Variants in MGA observed in about 807,000 individuals in gnomAD.
MGA encodes the protein MAX gene-associated protein.
In MGA, 40 loss-of-function variants were observed where a neutral mutation model predicts 261.1. That is an observed-to-expected ratio of 0.15 (90% CI 0.12 to 0.20). The LOEUF is 0.20. MGA is among the 10% of genes least tolerant of loss of function. MGA has a pLI of 1.00. For missense variants in MGA, 3,397 were observed against 3,630.5 expected (o/e 0.94, Z 1.65); for synonymous variants, 1,302 against 1,290.6 (o/e 1.01, Z -0.19).
rs2057312339 is a variant in MGA, at chr15:41,660,413, C to G, written c.-180C>G. 1 of 152,540 alleles carries G rather than the reference C, an allele frequency of 6.6e-6. No individual in the cohort carries two copies. The highest frequency in any genetic ancestry group is 2.4e-5 in the African/African-American group (1 of 41,442). The allele number at this position is 152,540 out of a possible 1,614,324, so 9.4% of individuals were successfully genotyped here. On this transcript the variant is annotated 5_prime_UTR_variant, in exon 1 of 24. Transcript: ENST00000219905. Reference sequence around the variant, plus strand: ...TGCGCGGTGACGTGGACGTCCGGTGCGCGCGCGCAGGCTCTTCAGCTGGAG... The same window carrying G: ...TGCGCGGTGACGTGGACGTCCGGTGGGCGCGCGCAGGCTCTTCAGCTGGAG...
At chr15:41,746,436 T>G (rs2062476060) in intron 15 of MGA, among the ~76,000 whole-genome samples, 2 of 151,206 alleles carry the variant, frequency 1.3e-5, no homozygotes, top group African/African-American at 4.9e-5. Flanking sequence ...TCCTAGGTAC[T>G]CTGGAGGCTG....
chr15:41,748,766 A>G lies in MGA; in HGVS notation c.5342A>G (p.Gln1781Arg), dbSNP rs766567906. 3.7e-6 allele frequency: 6 copies of G among 1,613,934 alleles called. No individual in the cohort carries two copies. In the East Asian group the frequency reaches 6.7e-5, roughly 18 times the overall value. Residue 1781 changes from glutamine (Q) to arginine (R), a missense_variant, in exon 16 of 24, where the codon CAA becomes CGA. Physicochemically the swap from Gln to Arg is conservative, Grantham distance 43. This residue lies in a region of MGA where 1,410 missense variants were observed against 1,386.4 expected (regional missense o/e 1.02). Transcript: ENST00000219905. Reference sequence around the variant, plus strand: ...ACTCTTAGACCTGTCTCAAACACACAACTTCAGGGACATCGGATGGTCTTG... The same window carrying G: ...ACTCTTAGACCTGTCTCAAACACACGACTTCAGGGACATCGGATGGTCTTG...
chr15:41,711,407 A>G, intron 8 of MGA, 58 bp downstream of exon 8: 1 of 1,486,254 alleles, frequency 6.7e-7, no homozygotes. Flanking sequence ...GAGCGAGGTT[A>G]GTGAGGGGAA....
rs1320151359 is a variant in MGA, at chr15:41,768,332, A to C, written c.*1052A>C. 6.6e-6 allele frequency: 1 copy of C among 152,638 alleles called. No homozygotes were observed. Among genetic ancestry groups the C allele is most frequent in the Non-Finnish European group, 1.5e-5 (1 of 68,034 alleles). The allele number at this position is 152,638 out of a possible 1,614,324, so 9.5% of individuals were successfully genotyped here. A position where few individuals can be genotyped will look rare whatever the true frequency, so the allele number is the denominator to read the frequency against. Reference sequence around the variant, plus strand: ...CAACCATGGATCCAATGATCTGTAGAGCTTTTTCACTCATTAACTGTCAGG... The same window carrying C: ...CAACCATGGATCCAATGATCTGTAGCGCTTTTTCACTCATTAACTGTCAGG... On this transcript the variant is annotated 3_prime_UTR_variant, in exon 24 of 24. Transcript: ENST00000219905.
intron 18 of MGA, among the ~76,000 whole-genome samples, chr15:41,755,186 A>G (rs2063076874): frequency 6.6e-6 from 1 of 152,170 alleles, no homozygotes; most frequent in Non-Finnish European, 1.5e-5. Flanking sequence ...TTGGGCTGTG[A>G]GAAAGAGTAG....
At chr15:41,685,551 A>G (rs770006472) in intron 2 of MGA, among the ~76,000 whole-genome samples, 24 of 152,216 alleles carry the variant, frequency 1.6e-4, no homozygotes, top group Non-Finnish European at 3.1e-4. Context: ...TCTTGACATC[A>G]TTGAATATTC....
chr15:41,656,365 T>TCTCTCTCTC (rs2057188293), upstream of MGA, among the ~76,000 whole-genome samples: 2 of 139,294 alleles, frequency 1.4e-5, no homozygotes, highest in South Asian at 2.5e-4. Context: ...TCTCTCTCTC[T>TCTCTCTCTC]CTCTCTCTCT....
At chr15:41,724,601 C>G (rs1360058648) in intron 9 of MGA, among the ~76,000 whole-genome samples, 1 of 152,176 alleles carries the variant, frequency 6.6e-6, no homozygotes, top group East Asian at 1.9e-4. Flanking sequence ...GAGATGATCT[C>G]TTGAGTCAGG....
chr15:41,732,520 C>A (rs1178453246), intron 11 of MGA, among the ~76,000 whole-genome samples: 8 of 152,168 alleles, frequency 5.3e-5, no homozygotes. Context: ...ATAATGCTAT[C>A]TAGATGGTTA....
chr15:41,757,539 C>T (rs534441140), intron 18 of MGA, among the ~76,000 whole-genome samples: 1 of 152,138 alleles, frequency 6.6e-6, no homozygotes, highest in African/African-American at 2.4e-5. Flanking sequence ...TACTGAAGGA[C>T]AACTTTAAAT....
chr15:41,746,627 T>C, intron 15 of MGA, among the ~76,000 whole-genome samples: 1 of 152,022 alleles, frequency 6.6e-6, no homozygotes, highest in Non-Finnish European at 1.5e-5. Context: ...AGTTTGGTTT[T>C]GTGTTTTATT....
chr15:41,636,680 G>A (rs1256683630), intron 1 of MGA, among the ~76,000 whole-genome samples: 1 of 152,062 alleles, frequency 6.6e-6, no homozygotes, highest in Non-Finnish European at 1.5e-5. Context: ...CTCCCAAAGT[G>A]CTGGGATTAC....
At chr15:41,691,674 G>A (rs750832785) in intron 2 of MGA, 33 of 514,782 alleles carry the variant, frequency 6.4e-5, no homozygotes, top group Admixed American at 6.3e-4. Flanking sequence ...CAATTTTAAA[G>A]GCTTCTTTTG....
At chr15:41,663,636 A>AT (rs1192021834) in intron 1 of MGA, among the ~76,000 whole-genome samples, 1 of 151,908 alleles carries the variant, frequency 6.6e-6, no homozygotes, top group Non-Finnish European at 1.5e-5. Context: ...CGCCCGGCTA[A>AT]TTTTTTGTAT....
chr15:41,696,255 A>C lies in MGA; in HGVS notation c.1245A>C (p.Ser415=), dbSNP rs1365572272. 6.2e-7 allele frequency: 1 copy of C among 1,613,844 alleles called. No homozygotes were observed. The highest frequency in any genetic ancestry group is 8.5e-7 in the Non-Finnish European group (1 of 1,179,902). The change falls in exon 3 of 24, where the codon TCA becomes TCC. Residue 415 remains serine (S), a synonymous_variant. Transcript: ENST00000219905. ...CAGATGAAGAGACGGATGTATACTC[A>C]AACAGTGATGATGATCCTATACTAG...
At chr15:41,692,027 C>T (rs2059317856) in intron 2 of MGA, among the ~76,000 whole-genome samples, 1 of 151,830 alleles carries the variant, frequency 6.6e-6, no homozygotes, top group South Asian at 2.1e-4. Context: ...CACTTTGTTT[C>T]TCTTGTCTTT....
intron 1 of MGA, among the ~76,000 whole-genome samples, chr15:41,639,968 A>G (rs1186992636): frequency 6.6e-6 from 1 of 152,206 alleles, no homozygotes; most frequent in Non-Finnish European, 1.5e-5. Flanking sequence ...TGTGCTGACC[A>G]ATCTGTCAAG....
At chr15:41,734,634 A>G (rs982457521) in intron 12 of MGA, 40 bp downstream of exon 12, 16 of 1,420,362 alleles carry the variant, frequency 1.1e-5, no homozygotes. Context: ...GATAAAAATT[A>G]TTTAGGTCTA....
In MGA at chr15:41,768,634, G is replaced by A. The variant is rs2063911376; in HGVS notation, c.*1354G>A. 6.6e-6 allele frequency: 1 copy of A among 152,584 alleles called. No individual in the cohort carries two copies. Among genetic ancestry groups the A allele is most frequent in the Non-Finnish European group, 1.5e-5 (1 of 68,032 alleles). The allele number at this position is 152,584 out of a possible 1,614,324, so 9.5% of individuals were successfully genotyped here. A position where few individuals can be genotyped will look rare whatever the true frequency, so the allele number is the denominator to read the frequency against. On this transcript the variant is annotated 3_prime_UTR_variant, in exon 24 of 24. Transcript: ENST00000219905. ...AATTATATTTTGGAATGTAACCCCT[G>A]TTCTGTCTTCATTGACAGGATTTGC... is the stretch of plus-strand genomic sequence containing the variant.
Sources: gnomAD v4.1 joint callset for allele counts (sites outside exome capture counted in the v4.1 genomes callset) on GRCh38, gnomAD v4.1.1 for gene constraint, gnomAD v4.1.1 regional missense constraint, MANE v1.5 for transcripts, NCBI Gene and HGNC (gene_info 2026-07-23, HGNC 2026-07-21) for gene names.